The following PARD3B variants were observed in gnomAD, a reference collection of about 807,000 sequenced individuals.
PARD3B encodes par-3 family cell polarity regulator beta.
PARD3B carries 103 observed loss-of-function variants against 130.2 expected under a neutral mutation model. The observed-to-expected ratio is 0.79, with a 90% confidence interval of 0.67 to 0.93. PARD3B has a LOEUF of 0.93. PARD3B is among the 40% of genes least tolerant of loss of function. The probability of loss-of-function intolerance (pLI) is 0.00; values close to 1 mark genes in which losing one functional copy is unlikely to be tolerated. For missense variants in PARD3B, 1,609 were observed against 1,499.2 expected (o/e 1.07, Z -1.21); for synonymous variants, 583 against 553.2 (o/e 1.05, Z -0.76).
At chr2:205,491,423 T>C (rs145872009) in intron 20 of PARD3B, among the ~76,000 whole-genome samples, 3 of 152,196 alleles carry the variant, frequency 2.0e-5, no homozygotes, top group South Asian at 2.1e-4. Context: ...GTTGTAGATA[T>C]GCAGCATTAT....
At chr2:204,937,383 T>C (rs1688546193) in intron 2 of PARD3B, among the ~76,000 whole-genome samples, 1 of 152,210 alleles carries the variant, frequency 6.6e-6, no homozygotes, top group South Asian at 2.1e-4. Flanking sequence ...TTGGATTTCT[T>C]TTGCAGAAAG....
At position 205,529,887 on chromosome 2, in the gene PARD3B, C is replaced by T. The variant is rs148512901; in HGVS notation, c.3181-23437C>T. ...CTTTGAAGCGCCTTTTTAGAGTCAG[C>T]TCACTGACAGGTCCATGCCCGTGGG... is the stretch of plus-strand genomic sequence containing the variant. On this transcript the variant is annotated intron_variant, in intron 21 of 22. Transcript: ENST00000406610. 1.4e-3 allele frequency among the ~76,000 whole-genome samples: 220 copies of T among 152,268 alleles called. 1 individual carries two copies. The highest frequency in any genetic ancestry group is 5.0e-3 in the African/African-American group (209 of 41,554).
chr2:204,679,770 C>A (rs1214142471), intron 1 of PARD3B, among the ~76,000 whole-genome samples: 1 of 151,824 alleles, frequency 6.6e-6, no homozygotes, highest in Non-Finnish European at 1.5e-5. Flanking sequence ...TGCCTATTCT[C>A]AAATGCTTTT....
At chr2:205,337,525 T>C (rs890214610) in intron 18 of PARD3B, among the ~76,000 whole-genome samples, 3 of 152,220 alleles carry the variant, frequency 2.0e-5, no homozygotes, top group African/African-American at 7.2e-5. Flanking sequence ...CCAAAGTTGA[T>C]CTACCCTATG....
intron 16 of PARD3B, among the ~76,000 whole-genome samples, chr2:205,266,948 A>C (rs945661294): frequency 2.6e-5 from 4 of 152,152 alleles, no homozygotes; most frequent in Non-Finnish European, 5.9e-5. Context: ...AGGATTTTCA[A>C]CAAAAACGAT....
chr2:204,883,449 A>ATT (rs1364395854), intron 2 of PARD3B, among the ~76,000 whole-genome samples: 11 of 102,410 alleles, frequency 1.1e-4, no homozygotes, highest in African/African-American at 4.5e-4. Flanking sequence ...ATATATATAT[A>ATT]TATATATTTT....
intron 2 of PARD3B, among the ~76,000 whole-genome samples, chr2:204,946,358 G>T (rs1403190282): frequency 6.6e-6 from 1 of 152,162 alleles, no homozygotes; most frequent in African/African-American, 2.4e-5. Context: ...GCACAGTCAA[G>T]GCTGGGATAC....
rs1342070675 is a variant in PARD3B, at chr2:204,916,014, A to G, written c.223-49138A>G. ...TCCCAGTCCAGTAGCTGCCCCAGTC[A>G]TATTATATAGATGGCTTCAGTCAAG... On this transcript the variant is annotated intron_variant, in intron 2 of 22. Coordinates refer to ENST00000406610, the MANE Select transcript of PARD3B (RefSeq NM_001302769.2). Among the ~76,000 whole-genome samples, 5 of 152,176 alleles carry G rather than the reference A, an allele frequency of 3.3e-5. No individual in the cohort carries two copies. In the East Asian group the frequency reaches 7.7e-4, roughly 23 times the overall value.
chr2:205,331,685 A>C (rs1324608382), intron 18 of PARD3B, among the ~76,000 whole-genome samples: 1 of 145,258 alleles, frequency 6.9e-6, no homozygotes, highest in Non-Finnish European at 1.5e-5. Flanking sequence ...CAGGAGGCTG[A>C]GGCAGGAGAA....
chr2:205,599,853 T>C (rs1481462864), intron 22 of PARD3B, among the ~76,000 whole-genome samples: 2 of 152,188 alleles, frequency 1.3e-5, no homozygotes, highest in African/African-American at 4.8e-5. Flanking sequence ...GTTTTGGCTC[T>C]ATTTTACCTA....
intron 1 of PARD3B, among the ~76,000 whole-genome samples, chr2:204,559,236 A>AC: frequency 6.6e-6 from 1 of 152,244 alleles, no homozygotes; most frequent in East Asian, 1.9e-4. Flanking sequence ...AAAAGAAACT[A>AC]CCATCAGAAT....
At chr2:205,561,510 C>G (rs1418784033) in intron 22 of PARD3B, among the ~76,000 whole-genome samples, 1 of 152,170 alleles carries the variant, frequency 6.6e-6, no homozygotes, top group East Asian at 1.9e-4. Flanking sequence ...ACAAGTACTT[C>G]TCTGTGCGAC....
At chr2:205,073,493 G>A (rs1162468635) in intron 4 of PARD3B, among the ~76,000 whole-genome samples, 2 of 152,112 alleles carry the variant, frequency 1.3e-5, no homozygotes, top group African/African-American at 2.4e-5. Flanking sequence ...AAGTCCAAAT[G>A]TATATAGTAA....
At position 205,142,209 on chromosome 2, in the gene PARD3B, G is replaced by A. The variant is rs138826510; in HGVS notation, c.1434+16472G>A. 3.2e-3 allele frequency among the ~76,000 whole-genome samples: 494 copies of A among 152,248 alleles called. 3 individuals are homozygous for A. The highest frequency in any genetic ancestry group is 0.01 in the Middle Eastern group (3 of 294). ...TTTGATAGGTAAGAGTTTGCTAGTG[G>A]GTGGCAAAGCAGGGTAAAGAGAGAG... On this transcript the variant is annotated intron_variant, in intron 10 of 22. Transcript: ENST00000406610. This position sits in a 1 kb window ranked among gnomAD's most constrained non-coding sequence, Gnocchi z 4.3.
intron 15 of PARD3B, among the ~76,000 whole-genome samples, chr2:205,220,069 C>T (rs1281261943): frequency 6.6e-6 from 1 of 152,144 alleles, no homozygotes; most frequent in East Asian, 1.9e-4. Context: ...AATGTAAATT[C>T]CTGTATTTGG....
chr2:204,649,235 A>G (rs549457451), intron 1 of PARD3B, among the ~76,000 whole-genome samples: 82 of 151,138 alleles, frequency 5.4e-4, no homozygotes, highest in Non-Finnish European at 1.0e-3. Flanking sequence ...ATGTTATTTA[A>G]AGTGTGTGCT....
chr2:205,072,818 C>T (rs11688842), intron 4 of PARD3B, among the ~76,000 whole-genome samples: 59,005 of 151,876 alleles, frequency 0.39, 11,949 homozygotes, highest in Admixed American at 0.52. Context: ...GTAAAAGCGA[C>T]GATACCAACT....
intron 21 of PARD3B, among the ~76,000 whole-genome samples, chr2:205,551,117 A>G (rs2106489661): frequency 6.6e-6 from 1 of 151,472 alleles, no homozygotes; most frequent in East Asian, 1.9e-4. Flanking sequence ...CGGTGCTGAA[A>G]CTATTAACTT....
At chr2:205,384,322 G>C (rs139513041) in intron 18 of PARD3B, among the ~76,000 whole-genome samples, 1 of 151,974 alleles carries the variant, frequency 6.6e-6, no homozygotes, top group Admixed American at 6.6e-5. Flanking sequence ...TGAGTCCTCA[G>C]GTGACCATAA....
Sources: allele counts gnomAD v4.1 joint callset (sites outside exome capture counted in the v4.1 genomes callset), GRCh38; gene constraint gnomAD v4.1.1; non-coding constraint Gnocchi (gnomAD v3.1); transcripts MANE v1.5; gene names NCBI Gene and HGNC (gene_info 2026-07-23, HGNC 2026-07-21).